The following AUTS2 variants were observed in gnomAD, a reference collection of about 807,000 sequenced individuals.
AUTS2 encodes activator of transcription and developmental regulator AUTS2.
In AUTS2, 17 loss-of-function variants were observed where a neutral mutation model predicts 112.4. The observed-to-expected ratio is 0.15, with a 90% CI of 0.10 to 0.23. AUTS2 has a LOEUF of 0.23. Ranked by LOEUF, AUTS2 falls within the 10% of genes least tolerant of loss-of-function variation. The pLI is 1.00. For synonymous variants in AUTS2, 751 were observed against 702.7 expected (o/e 1.07, Z -1.09); for missense variants, 1,510 against 1,701.6 (o/e 0.89, Z 1.98).
chr7:70,192,353 C>T (rs1809947511), intron 4 of AUTS2, among the ~76,000 whole-genome samples: 2 of 152,118 alleles, frequency 1.3e-5, no homozygotes, highest in South Asian at 4.1e-4. Flanking sequence ...AGTGTGGGCC[C>T]TCTAATTCTG....
At chr7:70,113,931 G>A (rs756693321) in intron 2 of AUTS2, among the ~76,000 whole-genome samples, 41 of 152,272 alleles carry the variant, frequency 2.7e-4, no homozygotes, top group South Asian at 6.2e-4. Flanking sequence ...ACTGTGGATC[G>A]TTATTTTCCT....
chr7:69,673,549 A>G (rs1796431139), intron 1 of AUTS2, among the ~76,000 whole-genome samples: 1 of 152,218 alleles, frequency 6.6e-6, no homozygotes, highest in Non-Finnish European at 1.5e-5. Flanking sequence ...AGCCAGCCTC[A>G]CCAATGTCCA....
At chr7:69,633,474 T>C (rs897067713) in intron 1 of AUTS2, among the ~76,000 whole-genome samples, 1 of 152,334 alleles carries the variant, frequency 6.6e-6, no homozygotes, top group South Asian at 2.1e-4. Flanking sequence ...GAAGAGAGAT[T>C]GCTGGGTCAT....
At chr7:70,371,335 A>G (rs1329579226) in intron 4 of AUTS2, among the ~76,000 whole-genome samples, 2 of 152,242 alleles carry the variant, frequency 1.3e-5, no homozygotes, top group Non-Finnish European at 2.9e-5. Context: ...TAAATAATTC[A>G]GCAGGATTAA....
rs1203204125 is a variant in AUTS2, at chr7:70,733,536, AC to A, written c.743-29328del. Among the ~76,000 whole-genome samples, 4 of 101,406 alleles carry A rather than the reference AC, an allele frequency of 3.9e-5. 1 individual carries two copies. In the South Asian group the frequency reaches 1.6e-3, roughly 39 times the overall value. The allele number at this position is 101,406 out of a possible 152,430, so 66.5% of individuals were successfully genotyped here. ...TTCCACTCCCACCTGTACTCTCACC[AC>A]CCCCCTACCCCCACATCTAGATTAT... On this transcript the variant is annotated intron_variant, in intron 6 of 18. Coordinates refer to ENST00000342771, the MANE Select transcript of AUTS2 (RefSeq NM_015570.4).
chr7:70,572,408 T>G (rs1801981198), intron 5 of AUTS2, among the ~76,000 whole-genome samples: 1 of 126,752 alleles, frequency 7.9e-6, no homozygotes, highest in South Asian at 2.7e-4. Flanking sequence ...GCTTATTTCA[T>G]GTGCCTTTGA....
intron 1 of AUTS2, among the ~76,000 whole-genome samples, chr7:69,603,280 T>A (rs1422054631): frequency 6.6e-6 from 1 of 152,254 alleles, no homozygotes; most frequent in Non-Finnish European, 1.5e-5. Flanking sequence ...GACACATTAT[T>A]TGACTCCATG....
At chr7:70,743,550 T>G (rs1788252124) in intron 6 of AUTS2, among the ~76,000 whole-genome samples, 1 of 150,792 alleles carries the variant, frequency 6.6e-6, no homozygotes, top group Non-Finnish European at 1.5e-5. Flanking sequence ...GCTTTATAAA[T>G]TCACGTTTGT....
chr7:70,665,791 A>G (rs1050834423), intron 5 of AUTS2, among the ~76,000 whole-genome samples: 2 of 152,184 alleles, frequency 1.3e-5, no homozygotes, highest in African/African-American at 4.8e-5. Context: ...GAATTTTTGT[A>G]TGCATGTATT....
intron 5 of AUTS2, among the ~76,000 whole-genome samples, chr7:70,463,059 C>A (rs993847209): frequency 6.6e-6 from 1 of 152,070 alleles, no homozygotes; most frequent in African/African-American, 2.4e-5. Context: ...TGGTTGGGTT[C>A]AGATACTTTC....
intron 4 of AUTS2, among the ~76,000 whole-genome samples, chr7:70,151,664 C>A (rs566587781): frequency 6.6e-6 from 1 of 152,116 alleles, no homozygotes; most frequent in South Asian, 2.1e-4. Context: ...GTTGGCCCGG[C>A]TGGTCTTGAA....
chr7:70,087,617 C>A (rs769975514), intron 2 of AUTS2, among the ~76,000 whole-genome samples: 1 of 152,114 alleles, frequency 6.6e-6, no homozygotes, highest in Non-Finnish European at 1.5e-5. Context: ...GATCTACCCA[C>A]CTCGGCCTCC....
chr7:70,695,135 C>G (rs1345008002), intron 5 of AUTS2: 1 of 152,444 alleles, frequency 6.6e-6, no homozygotes, highest in Non-Finnish European at 1.5e-5. Flanking sequence ...TTGCGGCGGC[C>G]GGGCCGGCGG....
At chr7:70,534,366 C>T (rs1291725800) in intron 5 of AUTS2, among the ~76,000 whole-genome samples, 6 of 152,126 alleles carry the variant, frequency 3.9e-5, no homozygotes, top group African/African-American at 7.2e-5. Context: ...ATAGGCAAGA[C>T]AGAATATCGG....
chr7:70,375,484 A>G (rs946929793), intron 4 of AUTS2, among the ~76,000 whole-genome samples: 20 of 152,326 alleles, frequency 1.3e-4, no homozygotes, highest in African/African-American at 4.6e-4. Flanking sequence ...TTTACGTCCA[A>G]CTAGGTAGTA....
chr7:70,382,667 G>A (rs1318512843), intron 4 of AUTS2, among the ~76,000 whole-genome samples: 1 of 152,072 alleles, frequency 6.6e-6, no homozygotes, highest in Admixed American at 6.6e-5. Context: ...GACTCATTAT[G>A]CAGCTTTGCC....
At chr7:70,581,699 C>T (rs1802456726) in intron 5 of AUTS2, among the ~76,000 whole-genome samples, 1 of 152,202 alleles carries the variant, frequency 6.6e-6, no homozygotes, top group Non-Finnish European at 1.5e-5. Flanking sequence ...CAAGAACAGA[C>T]CTGGTTCCTA....
At chr7:70,221,268 T>A (rs1375149530) in intron 4 of AUTS2, among the ~76,000 whole-genome samples, 1 of 152,232 alleles carries the variant, frequency 6.6e-6, no homozygotes, top group East Asian at 1.9e-4. Context: ...TGGTTTATTT[T>A]AAATTAAATT....
intron 1 of AUTS2, among the ~76,000 whole-genome samples, chr7:69,792,933 T>G (rs1221540282): frequency 1.3e-5 from 2 of 152,210 alleles, no homozygotes; most frequent in African/African-American, 4.8e-5. Flanking sequence ...TAGGACCTTC[T>G]TTCTCAGGGG....
Sources: gnomAD v4.1 joint callset for allele counts (sites outside exome capture counted in the v4.1 genomes callset) on GRCh38, gnomAD v4.1.1 for gene constraint, MANE v1.5 for transcripts, NCBI Gene and HGNC (gene_info 2026-07-23, HGNC 2026-07-21) for gene names.